Variants in PML observed in about 807,000 individuals in gnomAD.
PML encodes PML nuclear body scaffold, also known as protein PML.
Under a neutral mutation model 65.2 loss-of-function variants are expected in PML, and 28 were observed. That is an observed-to-expected ratio of 0.43 (90% CI 0.32 to 0.59). PML has a LOEUF of 0.59. Among genes scored for constraint, PML ranks in the 20% least tolerant of loss-of-function variants. The pLI is 0.08. For synonymous variants in PML, 500 were observed against 508.8 expected, an observed-to-expected ratio of 0.98 and a Z score of 0.23; for missense variants, 1,021 against 1,203.4, an observed-to-expected ratio of 0.85 and a Z score of 2.24.
In PML at chr15:74,045,290, T is replaced by G; in HGVS notation, c.*282T>G. The G allele has an allele frequency of 2.1e-6, 1 of 469,544 alleles. No homozygotes were observed. The highest frequency in any genetic ancestry group is 2.9e-5 in the South Asian group (1 of 34,248). 29.1% of individuals were successfully genotyped at this position (469,544 alleles called of 1,614,324 possible). ...AGGGAGGTCCTGAGTGAGGAAGGCA[T>G]GACCTCTGGGCTCTCTAGGTGGCCC... On this transcript the variant is annotated 3_prime_UTR_variant, in exon 9 of 9. Transcript: ENST00000268058.
chr15:74,041,460 A>T (rs925308425), intron 7 of PML: 20 of 152,460 alleles, frequency 1.3e-4, no homozygotes, highest in African/African-American at 4.8e-4. Context: ...GTGTGAAATC[A>T]GCTTTTGACA....
Position 73,994,835 on chromosome 15 carries a change from C to A in PML, c.23C>A (p.Ser8Tyr), listed in dbSNP as rs542097036. The A allele has an allele frequency of 5.1e-6, 8 of 1,558,200 alleles. No individual in the cohort carries two copies. The South Asian group carries it at 9.5e-5, about 18-fold the overall frequency. The change falls in exon 1 of 9, where the codon TCT becomes TAT. Residue 8 changes from serine (S) to tyrosine (Y), a missense_variant. Coordinates refer to ENST00000268058, the MANE Select transcript of PML (RefSeq NM_033238.3). The part of the protein sequence containing the change: MEPAPAR[S>Y]PRPQQDPARP... The stretch of plus-strand genomic sequence containing the variant: ...TCCATGGAGCCTGCACCCGCCCGAT[C>A]TCCGAGGCCCCAGCAGGACCCCGCC...
rs11555843 is a variant in PML, at chr15:74,032,683, G to A, written c.1366G>A (p.Ala456Thr). ...VPGAHPVPVY[A>T]FSIKGPSYGE... ...CGGGGCACACCCCGTGCCAGTGTAC[G>A]CCTTCTCCATCAAAGGCCCTTCCTA... Residue 456 changes from alanine (A) to threonine (T), a missense_variant, in exon 5 of 9, where the codon GCC (alanine) becomes ACC (threonine). By Grantham distance (58) the Ala-to-Thr change is moderately conservative. Coordinates refer to ENST00000268058, the MANE Select transcript of PML (RefSeq NM_033238.3). 837 of 1,614,198 alleles carry A rather than the reference G, an allele frequency of 5.2e-4. 2 individuals carry two copies. The highest frequency in any genetic ancestry group is 1.3e-3 in the South Asian group (121 of 91,086).
chr15:74,030,241 C>G (rs925959407), intron 4 of PML, among the ~76,000 whole-genome samples: 3 of 152,156 alleles, frequency 2.0e-5, no homozygotes, highest in African/African-American at 7.2e-5. Flanking sequence ...ATAATCGGTC[C>G]AGTGGACGCT....
chr15:74,042,794 C>A lies in PML; in HGVS notation c.1711-195C>A. The A allele has an allele frequency of 7.1e-6, 7 of 985,146 alleles. No individual in the cohort carries two copies. The highest frequency in any genetic ancestry group is 8.4e-6 in the Non-Finnish European group (7 of 829,754). 61.0% of individuals were successfully genotyped at this position (985,146 alleles called of 1,614,324 possible). On this transcript the variant is annotated intron_variant, in intron 7 of 8. Coordinates refer to ENST00000268058, the MANE Select transcript of PML (RefSeq NM_033238.3). The surrounding 1 kb of genome is among the most constrained non-coding windows in gnomAD (Gnocchi z 5.3). ...GTATGCCCTGGTTCATACATGTAAC[C>A]CTCACATGTGACACACCCAGTTCAC... is the stretch of plus-strand genomic sequence containing the variant.
chr15:73,995,855 C>T (rs1027037962), intron 1 of PML, among the ~76,000 whole-genome samples: 4 of 152,074 alleles, frequency 2.6e-5, no homozygotes, highest in Non-Finnish European at 4.4e-5. Context: ...TCCGGGTTCA[C>T]GCCATTCTCC....
At chr15:74,006,093 T>A (rs1490233632) in intron 2 of PML, among the ~76,000 whole-genome samples, 1 of 151,998 alleles carries the variant, frequency 6.6e-6, no homozygotes, top group Non-Finnish European at 1.5e-5. Flanking sequence ...AGATATAGAT[T>A]AACACGAGAA....
intron 2 of PML, among the ~76,000 whole-genome samples, chr15:74,000,789 G>A (rs2069726625): frequency 4.6e-5 from 7 of 152,096 alleles, no homozygotes; most frequent in African/African-American, 1.7e-4. Flanking sequence ...CCACGGGTGC[G>A]TAACCTGCAG....
rs2069669045 is a variant in PML at position 73,999,686 on chromosome 15, G to T, written c.602+1210G>T. Reference sequence around the variant, plus strand: ...GAATTCAGGAACAAATTCCTCGAAAGAAAAAAATGTATGCATTTCTTTTGC... The same window carrying T: ...GAATTCAGGAACAAATTCCTCGAAATAAAAAAATGTATGCATTTCTTTTGC... On this transcript the variant is annotated intron_variant, in intron 2 of 8. Transcript: ENST00000268058. 2.0e-5 allele frequency among the ~76,000 whole-genome samples: 3 copies of T among 151,680 alleles called. 1 individual carries two copies. The South Asian group carries it at 6.2e-4, about 32-fold the overall frequency.
intron 6 of PML, chr15:74,034,080 A>T (rs890212097): frequency 2.8e-6 from 1 of 363,504 alleles, no homozygotes; most frequent in African/African-American, 2.1e-5. Context: ...ATGGGTTTTG[A>T]TTAACTAAAT....
Position 73,995,246 on chromosome 15 carries a change from G to A in PML, c.129+305G>A, listed in dbSNP as rs114116087. Among the ~76,000 whole-genome samples, 1,072 of 152,348 alleles carry A rather than the reference G, an allele frequency of 7.0e-3. 10 individuals carry two copies. The highest frequency in any genetic ancestry group is 0.024 in the African/African-American group (997 of 41,584). On this transcript the variant is annotated intron_variant, in intron 1 of 8. Transcript: ENST00000268058. The stretch of plus-strand genomic sequence containing the variant: ...GGCCTGGGCCCTTCCGCCCACCCTC[G>A]AGCCCTGCCTCAACTTTGCCTCAGA...
chr15:74,021,585 C>CAA (rs36056165), intron 2 of PML, among the ~76,000 whole-genome samples: 15 of 146,258 alleles, frequency 1.0e-4, no homozygotes, highest in Admixed American at 2.7e-4. Flanking sequence ...AACTCCATCT[C>CAA]AAAAAAAAAA....
In PML at chr15:73,998,259, T is replaced by G. The variant is rs1278780676; in HGVS notation, c.385T>G (p.Cys129Gly). 6.2e-7 allele frequency: 1 copy of G among 1,614,040 alleles called. No homozygotes were observed. Among genetic ancestry groups the G allele is most frequent in the Non-Finnish European group, 8.5e-7 (1 of 1,180,026 alleles). The stretch of plus-strand genomic sequence containing the variant: ...GCAGATTGTGGATGCGCAGGCTGTG[T>G]GCACCCGCTGCAAAGAGTCGGCCGA... ...YRQIVDAQAV[C>G]TRCKESADFW... The change falls in exon 2 of 9, where the codon TGC (cysteine) becomes GGC (glycine). Residue 129 changes from cysteine to glycine, a missense_variant. Transcript: ENST00000268058.
chr15:73,997,031 G>A (rs184101410), intron 1 of PML, among the ~76,000 whole-genome samples: 133 of 152,324 alleles, frequency 8.7e-4, no homozygotes, highest in African/African-American at 3.0e-3. Flanking sequence ...GGGTGGGAGC[G>A]GCTAGAGCAG....
chr15:74,038,117 C>A (rs2071614350), intron 7 of PML, among the ~76,000 whole-genome samples: 1 of 152,132 alleles, frequency 6.6e-6, no homozygotes, highest in Non-Finnish European at 1.5e-5. Flanking sequence ...GTGTAAATTC[C>A]TCTGAAATCT....
At position 74,045,103 on chromosome 15, in the gene PML, T is replaced by G; in HGVS notation, c.*95T>G. ...CCATCACAGCATTCCCAGGTCCTGG[T>G]ACCCAGCCCTCAGTTGTCATTTGGT... On this transcript the variant is annotated 3_prime_UTR_variant, in exon 9 of 9. Transcript: ENST00000268058. 2 of 1,114,684 alleles carry G rather than the reference T, an allele frequency of 1.8e-6. No homozygotes were observed. The highest frequency in any genetic ancestry group is 2.5e-6 in the Non-Finnish European group (2 of 790,926). 69.0% of individuals were successfully genotyped at this position (1,114,684 alleles called of 1,614,324 possible).
Position 74,042,504 on chromosome 15 carries a change from C to T in PML, c.1711-485C>T, listed in dbSNP as rs927181033. On this transcript the variant is annotated intron_variant, in intron 7 of 8. Coordinates refer to ENST00000268058, the MANE Select transcript of PML (RefSeq NM_033238.3). The surrounding 1 kb of genome is among the most constrained non-coding windows in gnomAD (Gnocchi z 5.3). Reference sequence around the variant, plus strand: ...TTTTGGTGTTTCTTCTGAGTCTGCTCAGAAAGATGAAATTAGGAGCAGACA... The same window carrying T: ...TTTTGGTGTTTCTTCTGAGTCTGCTTAGAAAGATGAAATTAGGAGCAGACA... The T allele has an allele frequency of 1.4e-4, 137 of 985,316 alleles. No individual in the cohort carries two copies. Among genetic ancestry groups the T allele is most frequent in the Non-Finnish European group, 1.6e-4 (136 of 829,928 alleles). 61.0% of individuals were successfully genotyped at this position (985,316 alleles called of 1,614,324 possible).
intron 2 of PML, among the ~76,000 whole-genome samples, chr15:74,006,407 A>AAG (rs1555440235): frequency 2.0e-5 from 3 of 150,956 alleles, no homozygotes; most frequent in African/African-American, 7.3e-5. Context: ...AAAAAAAAAA[A>AAG]AAAGAAAGAA....
intron 3 of PML, 140 bp downstream of exon 3, chr15:74,023,548 G>A (rs188158603): frequency 2.7e-6 from 2 of 733,414 alleles, no homozygotes; most frequent in East Asian, 5.4e-5. Flanking sequence ...AAGGTCTTAG[G>A]TTCCAGGGCA....
Sources: allele counts gnomAD v4.1 joint callset (sites outside exome capture counted in the v4.1 genomes callset), GRCh38; gene constraint gnomAD v4.1.1; non-coding constraint Gnocchi (gnomAD v3.1); transcripts MANE v1.5; gene names NCBI Gene and HGNC (gene_info 2026-07-23, HGNC 2026-07-21).